ZNF117: variants seen among roughly 807,000 people sequenced by gnomAD.
ZNF117 encodes the protein zinc finger protein 117.
In ZNF117, 37 loss-of-function variants were observed where a neutral mutation model predicts 41.2. That is an observed-to-expected ratio of 0.90 (90% CI 0.69 to 1.18). The LOEUF (loss-of-function observed/expected upper bound fraction) is 1.18, where lower values mean the gene tolerates loss of function less well. Among genes scored for constraint, ZNF117 ranks in the 50% most tolerant of loss-of-function variants. The pLI is 0.00. For missense variants in ZNF117, 546 were observed against 557.5 expected, an observed-to-expected ratio of 0.98 and a Z score of 0.21; for synonymous variants, 186 against 186.6, an observed-to-expected ratio of 1.00 and a Z score of 0.02.
downstream of ZNF117, chr7:64,973,545 CTTAA>C (rs934579820): frequency 6.6e-6 from 1 of 151,866 alleles, no homozygotes; most frequent in African/African-American, 2.4e-5. Flanking sequence ...TGCCTTTTAT[CTTAA>C]TTAACTGATC....
chr7:64,989,478 TATATATATATATATATATATAA>T (rs1562649392), intron 1 of ZNF117, among the ~76,000 whole-genome samples: 1 of 75,556 alleles, frequency 1.3e-5, no homozygotes, highest in Non-Finnish European at 3.1e-5. Context: ...TATATATATA[TATATATATATATATATATATAA>T]AACCTGAAAA....
At chr7:64,977,452 T>A (rs1193565038) in exon 3 of ZNF117, 4 of 467,578 alleles carry the variant, frequency 8.6e-6, no homozygotes, top group African/African-American at 8.1e-5. Context: ...GAGCATCGAC[T>A]GAAAGTTTTG....
upstream of ZNF117, among the ~76,000 whole-genome samples, chr7:64,982,704 T>C (rs1055466655): frequency 6.6e-6 from 1 of 152,198 alleles, no homozygotes; most frequent in African/African-American, 2.4e-5. Flanking sequence ...ATGACAGCTT[T>C]CATTTTCCTA....
At chr7:64,982,667 C>T (rs2129119653), upstream of ZNF117, among the ~76,000 whole-genome samples, 1 of 152,184 alleles carries the variant, frequency 6.6e-6, no homozygotes, top group Non-Finnish European at 1.5e-5. Flanking sequence ...CTGTGTTTTT[C>T]CCAGTTTTTC....
At chr7:64,973,890 A>T (rs2129117431), downstream of ZNF117, 1 of 152,060 alleles carries the variant, frequency 6.6e-6, no homozygotes, top group African/African-American at 2.4e-5. Context: ...CACTATTGGT[A>T]TTTTCCATCT....
At chr7:64,981,214 A>T in intron 2 of ZNF117, 173 bp downstream of exon 3, 5 of 797,676 alleles carry the variant, frequency 6.3e-6, no homozygotes, top group Non-Finnish European at 9.9e-6. Flanking sequence ...TCCTTAGAGA[A>T]TTGAAAAACA....
chr7:64,983,676 T>C (rs28661532), upstream of ZNF117, among the ~76,000 whole-genome samples: 2,124 of 152,284 alleles, frequency 0.014, 42 homozygotes, highest in African/African-American at 0.048. Flanking sequence ...GCTGAGAATA[T>C]GCTTTTAAAA....
At position 64,978,205 on chromosome 7, in the gene ZNF117, G is replaced by A. The variant is rs561022720; in HGVS notation, c.1366C>T (p.Gln456Ter). The change falls in exon 3 of 3, where the codon CAA becomes TAA. Residue 456 changes from glutamine to a stop codon, truncating the protein, a stop_gained. Coordinates refer to ENST00000620222, the Ensembl canonical transcript of ZNF117. LOFTEE classifies it high-confidence loss of function. ...TTATGTGTAGTAAGTGTTGAAGATTGGTTAAAAGCTTTGCCACATTCTTCA... is the reference window on the plus strand; with the variant it reads ...TTATGTGTAGTAAGTGTTGAAGATTAGTTAAAAGCTTTGCCACATTCTTCA... 2.4e-5 allele frequency: 38 copies of A among 1,610,646 alleles called. No homozygotes were observed. In the Middle Eastern group the frequency reaches 1.3e-3, roughly 56 times the overall value.
upstream of ZNF117, among the ~76,000 whole-genome samples, chr7:64,986,102 C>G (rs767033178): frequency 6.6e-6 from 1 of 151,654 alleles, no homozygotes; most frequent in Non-Finnish European, 1.5e-5. Flanking sequence ...TTTTGCATGC[C>G]ATGTGCACTT....
downstream of ZNF117, chr7:64,971,939 G>C (rs149956950): frequency 2.0e-5 from 3 of 152,088 alleles, no homozygotes; most frequent in East Asian, 5.8e-4. Context: ...CAAATCATAC[G>C]TGGGACAAAG....
At position 64,978,578 on chromosome 7, in the gene ZNF117, T is replaced by C. The variant is rs757844940; in HGVS notation, c.993A>G (p.Lys331=). 9 of 1,612,662 alleles carry C rather than the reference T, an allele frequency of 5.6e-6. No homozygotes were observed. In the South Asian group the frequency reaches 9.9e-5, roughly 18 times the overall value. Residue 331 remains lysine, a synonymous_variant, in exon 3 of 3, where the codon AAA becomes AAG. Transcript: ENST00000620222. ...TGCCACATTCCTCACATTTGTAGGGTTTCTCTCCAGTATGAATTTTTTTAT... is the reference window on the plus strand; with the variant it reads ...TGCCACATTCCTCACATTTGTAGGGCTTCTCTCCAGTATGAATTTTTTTAT...
At position 64,979,425 on chromosome 7, in the gene ZNF117, A is replaced by C; in HGVS notation, c.146T>G (p.Leu49Ter). 1.2e-6 allele frequency: 2 copies of C among 1,610,428 alleles called. No homozygotes were observed. The highest frequency in any genetic ancestry group is 1.7e-6 in the Non-Finnish European group (2 of 1,178,416). ...AACCACACTTTTACAGCCTTTTCTT[A>C]ACTGTAAATTCTCATATCCACATTT... Residue 49 changes from leucine to a stop codon, truncating the protein, a stop_gained, in exon 3 of 3, where the codon TTA becomes TGA. Coordinates refer to ENST00000620222, the Ensembl canonical transcript of ZNF117. LOFTEE classifies it high-confidence loss of function.
chr7:64,976,700 T>C (rs1785895585), exon 3 of ZNF117: 6 of 313,680 alleles, frequency 1.9e-5, no homozygotes, highest in South Asian at 1.7e-4. Flanking sequence ...GTGACAACCA[T>C]TTAAAGGCTT....
exon 3 of ZNF117, chr7:64,978,950 G>A: frequency 6.2e-7 from 1 of 1,612,498 alleles, no homozygotes; most frequent in Non-Finnish European, 8.5e-7. Context: ...GTGTAGTAAG[G>A]GTCGATGACT....
At chr7:64,990,984 A>G (rs2129121829) in exon 1 of ZNF117, 1 of 399,506 alleles carries the variant, frequency 2.5e-6, no homozygotes, top group Non-Finnish European at 4.4e-6. Flanking sequence ...TTACTTCAAG[A>G]GGAAGTAGCT....
At chr7:64,978,098 G>C (rs1282032450) in exon 3 of ZNF117, 1 of 1,592,882 alleles carries the variant, frequency 6.3e-7, no homozygotes, top group Non-Finnish European at 8.6e-7. Context: ...GAATTTTCTT[G>C]TGTTCAATGA....
At chr7:64,977,446 A>G in exon 3 of ZNF117, 1 of 458,312 alleles carries the variant, frequency 2.2e-6, no homozygotes, top group Non-Finnish European at 4.3e-6. Context: ...AGTTTTGAGC[A>G]TCGACTGAAA....
rs1554299901 is a variant in ZNF117 at position 64,989,486 on chromosome 7, T to TATATAC, written c.-196+460_-196+461insGTATAT. ...ATATATATATATATATATATATATA[T>TATATAC]ATATATATATATAAAACCTGAAAAT... On this transcript the variant is annotated intron_variant, in intron 1 of 3. Coordinates refer to the ZNF117 transcript ENST00000282869. Among the ~76,000 whole-genome samples the TATATAC allele has an allele frequency of 7.0e-4, 52 of 74,618 alleles. 1 individual carries two copies. The highest frequency in any genetic ancestry group is 1.2e-3 in the Non-Finnish European group (43 of 34,488). The allele number at this position is 74,618 out of a possible 152,430, so 49.0% of individuals were successfully genotyped here.
At chr7:64,990,977 C>T (rs1786249435) in exon 1 of ZNF117, 3 of 386,150 alleles carry the variant, frequency 7.8e-6, no homozygotes, top group South Asian at 8.5e-5. Flanking sequence ...TCTTCATTTA[C>T]TTCAAGAGGA....
Sources: allele counts gnomAD v4.1 joint callset (sites outside exome capture counted in the v4.1 genomes callset), GRCh38; gene constraint gnomAD v4.1.1; transcripts MANE v1.5; gene names NCBI Gene and HGNC (gene_info 2026-07-23, HGNC 2026-07-21).